The following L3MBTL4 variants were observed in gnomAD, a reference collection of about 807,000 sequenced individuals.
L3MBTL4 encodes the protein lethal(3)malignant brain tumor-like protein 4.
L3MBTL4 carries 70 observed loss-of-function variants against 84.5 expected under a neutral mutation model. That is an observed-to-expected ratio of 0.83 (90% CI 0.68 to 1.01). L3MBTL4 has a LOEUF of 1.01. Ranked by LOEUF, L3MBTL4 falls within the 50% of genes least tolerant of loss-of-function variation. The probability of loss-of-function intolerance (pLI) is 0.00; values close to 1 mark genes in which losing one functional copy is unlikely to be tolerated. For synonymous variants in L3MBTL4, 274 were observed against 259.8 expected (o/e 1.05, Z -0.52); for missense variants, 715 against 754.8 (o/e 0.95, Z 0.62).
intron 9 of L3MBTL4, among the ~76,000 whole-genome samples, chr18:6,238,487 C>T (rs1414735936): frequency 5.9e-5 from 9 of 151,964 alleles, no homozygotes; most frequent in South Asian, 2.1e-4. Context: ...GAGCCAAGAT[C>T]GCGCCACTGC....
intron 16 of L3MBTL4, among the ~76,000 whole-genome samples, chr18:6,046,288 A>C (rs1384899935): frequency 2.0e-5 from 3 of 152,172 alleles, no homozygotes; most frequent in Non-Finnish European, 4.4e-5. Flanking sequence ...AAAGACTTAC[A>C]CCATCCCACA....
At chr18:5,991,407 T>C (rs574862212) in intron 16 of L3MBTL4, among the ~76,000 whole-genome samples, 1 of 152,340 alleles carries the variant, frequency 6.6e-6, no homozygotes, top group Non-Finnish European at 1.5e-5. Flanking sequence ...GTCCTCAAGA[T>C]GAACACGGCT....
chr18:6,222,227 C>A (rs377588559), intron 10 of L3MBTL4, among the ~76,000 whole-genome samples: 1 of 152,152 alleles, frequency 6.6e-6, no homozygotes, highest in Non-Finnish European at 1.5e-5. Context: ...TACAGCAGTA[C>A]GTCAGATTTT....
intron 16 of L3MBTL4, among the ~76,000 whole-genome samples, chr18:6,024,331 TCTC>T (rs757582462): frequency 4.6e-5 from 7 of 152,230 alleles, no homozygotes; most frequent in Non-Finnish European, 1.0e-4. Context: ...CAGGTGGTGG[TCTC>T]CTGGTTTTCC....
intron 9 of L3MBTL4, among the ~76,000 whole-genome samples, chr18:6,239,341 A>G (rs1450280959): frequency 8.5e-6 from 1 of 117,314 alleles, no homozygotes; most frequent in Non-Finnish European, 1.6e-5. Context: ...ACTCCGTCTC[A>G]AAAAAAAAAA....
At chr18:6,127,391 A>T (rs1306783790) in intron 14 of L3MBTL4, among the ~76,000 whole-genome samples, 1 of 152,184 alleles carries the variant, frequency 6.6e-6, no homozygotes, top group African/African-American at 2.4e-5. Flanking sequence ...GAAGCCAAAA[A>T]ATTGGACACC....
chr18:6,254,197 A>C lies in L3MBTL4; in HGVS notation c.220-9609T>G, dbSNP rs1339454794. On this transcript the variant is annotated intron_variant, in intron 5 of 18. Coordinates refer to ENST00000317931, the MANE Select transcript of L3MBTL4 (RefSeq NM_001330559.2). ...GAGGATATTATCAATAGCTTTCATT[A>C]GATATTCAAAGAGGTCTAAGACCCA... is the stretch of plus-strand genomic sequence containing the variant. Among the ~76,000 whole-genome samples the C allele has an allele frequency of 2.0e-5, 3 of 152,268 alleles. No individual in the cohort carries two copies. In the East Asian group the frequency reaches 5.8e-4, roughly 29 times the overall value.
intron 16 of L3MBTL4, among the ~76,000 whole-genome samples, chr18:5,992,676 G>A (rs776353947): frequency 6.6e-6 from 1 of 152,236 alleles, no homozygotes; most frequent in African/African-American, 2.4e-5. Flanking sequence ...GAGTTCACAC[G>A]AGATGTGGTC....
intron 4 of L3MBTL4, among the ~76,000 whole-genome samples, chr18:6,298,682 G>A (rs1796807177): frequency 6.6e-6 from 1 of 152,126 alleles, no homozygotes; most frequent in South Asian, 2.1e-4. Flanking sequence ...AGACCAGCCT[G>A]GCCGATATGG....
chr18:6,339,048 A>G (rs1348610514), intron 1 of L3MBTL4, among the ~76,000 whole-genome samples: 1 of 152,168 alleles, frequency 6.6e-6, no homozygotes, highest in Non-Finnish European at 1.5e-5. Flanking sequence ...ACAAACCCAC[A>G]AATATATTGG....
chr18:6,126,248 T>C (rs2144420216), intron 14 of L3MBTL4, among the ~76,000 whole-genome samples: 1 of 152,374 alleles, frequency 6.6e-6, no homozygotes, highest in African/African-American at 2.4e-5. Context: ...ATTTTCGGTA[T>C]TGACCATAGA....
chr18:6,057,499 T>C (rs1283482576), intron 16 of L3MBTL4, among the ~76,000 whole-genome samples: 2 of 152,164 alleles, frequency 1.3e-5, no homozygotes, highest in Non-Finnish European at 2.9e-5. Context: ...CTCAGGAAAC[T>C]TCTCTCTCTG....
At chr18:6,319,479 A>T (rs2051292876) in intron 1 of L3MBTL4, among the ~76,000 whole-genome samples, 1 of 152,132 alleles carries the variant, frequency 6.6e-6, no homozygotes, top group Admixed American at 6.5e-5. Flanking sequence ...AATATATAAA[A>T]TCATTTGTGA....
At chr18:6,034,699 C>T (rs1421072272) in intron 16 of L3MBTL4, among the ~76,000 whole-genome samples, 1 of 152,148 alleles carries the variant, frequency 6.6e-6, no homozygotes, top group Non-Finnish European at 1.5e-5. Flanking sequence ...TATTTCTAGT[C>T]TTAGATCCCT....
intron 17 of L3MBTL4, among the ~76,000 whole-genome samples, chr18:5,961,282 G>C (rs369100151): frequency 1.3e-5 from 2 of 152,168 alleles, no homozygotes; most frequent in East Asian, 3.9e-4. Flanking sequence ...GGAGAAGTCA[G>C]CAGACGCTGC....
intron 16 of L3MBTL4, chr18:6,032,385 TACACAC>T (rs111595039): frequency 6.5e-4 from 227 of 346,954 alleles, no homozygotes; most frequent in African/African-American, 1.5e-3. Flanking sequence ...TGAAATATGT[TACACAC>T]ACACACACAC....
chr18:6,409,109 C>T (rs1339005516), intron 1 of L3MBTL4, among the ~76,000 whole-genome samples: 2 of 152,144 alleles, frequency 1.3e-5, no homozygotes, highest in Non-Finnish European at 2.9e-5. Context: ...GATCTTAACG[C>T]CATTTGTTAC....
intron 1 of L3MBTL4, among the ~76,000 whole-genome samples, chr18:6,399,334 G>C (rs1187431471): frequency 1.3e-5 from 2 of 152,090 alleles, no homozygotes; most frequent in Non-Finnish European, 2.9e-5. Context: ...GCTACTTGGA[G>C]GCTGAGGCAG....
At chr18:6,151,030 C>T (rs1211645259) in intron 13 of L3MBTL4, among the ~76,000 whole-genome samples, 1 of 152,164 alleles carries the variant, frequency 6.6e-6, no homozygotes, top group Non-Finnish European at 1.5e-5. Flanking sequence ...AGGCCACAGA[C>T]ACAGCAGGAC....
Sources: gnomAD v4.1 joint callset for allele counts (sites outside exome capture counted in the v4.1 genomes callset) on GRCh38, gnomAD v4.1.1 for gene constraint, MANE v1.5 for transcripts, NCBI Gene and HGNC (gene_info 2026-07-23, HGNC 2026-07-21) for gene names.